Variants in LRRC37A2 observed in about 807,000 individuals in gnomAD.
LRRC37A2 encodes leucine rich repeat containing 37 member A2.
A neutral mutation model predicts 68.8 loss-of-function variants in LRRC37A2; 9 were observed. The ratio of observed to expected loss-of-function variants is 0.13; its 90% CI spans 0.08 to 0.23. LRRC37A2 has a LOEUF of 0.23. LRRC37A2 is among the 10% of genes least tolerant of loss of function. LRRC37A2 has a pLI of 1.00. For synonymous variants in LRRC37A2, 63 were observed against 367.6 expected (o/e 0.17, Z 9.48); for missense variants, 168 against 950.4 (o/e 0.18, Z 10.82).
chr17:46,843,586 A>G, the LRRC37A2 span, among the ~76,000 whole-genome samples: 1 of 152,146 alleles, frequency 6.6e-6, no homozygotes, highest in Non-Finnish European at 1.5e-5. Flanking sequence ...TTACTGCTGC[A>G]CAGTCGTTAA....
At chr17:46,772,965 G>C in the LRRC37A2 span, among the ~76,000 whole-genome samples, 2 of 152,106 alleles carry the variant, frequency 1.3e-5, no homozygotes, top group Non-Finnish European at 2.9e-5. Context: ...GTTCCACAAA[G>C]AGCTGCCCAT....
the LRRC37A2 span, among the ~76,000 whole-genome samples, chr17:46,569,193 C>T: frequency 6.6e-6 from 1 of 151,754 alleles, no homozygotes; most frequent in South Asian, 2.1e-4. Flanking sequence ...GGTGATCCAC[C>T]AGCCTTGGCT....
the LRRC37A2 span, among the ~76,000 whole-genome samples, chr17:46,967,573 A>G: frequency 6.6e-6 from 1 of 152,212 alleles, no homozygotes; most frequent in Non-Finnish European, 1.5e-5. Context: ...GAACAGAGGC[A>G]TGGAGTGTGA....
At chr17:46,938,932 A>T in the LRRC37A2 span, 1 of 1,505,322 alleles carries the variant, frequency 6.6e-7, no homozygotes, top group East Asian at 2.5e-5. Context: ...TTTCTGTGAC[A>T]TCTTGGAGGG....
At chr17:46,543,724 A>G (rs2096269899) in intron 8 of LRRC37A2, among the ~76,000 whole-genome samples, 1 of 150,990 alleles carries the variant, frequency 6.6e-6, no homozygotes, top group Admixed American at 6.6e-5. Context: ...ATTCCAGATG[A>G]AAGTTATACA....
the LRRC37A2 span, chr17:47,024,533 T>A: frequency 1.4e-6 from 1 of 706,608 alleles, no homozygotes; most frequent in East Asian, 2.5e-5. Context: ...AAGGAAAATG[T>A]AAGAAAAGGT....
chr17:46,718,681 AC>A, the LRRC37A2 span, among the ~76,000 whole-genome samples: 4 of 152,142 alleles, frequency 2.6e-5, no homozygotes, highest in African/African-American at 9.7e-5. Context: ...CGGCCGAATG[AC>A]CTTGGATATG....
chr17:46,826,697 T>G, the LRRC37A2 span, among the ~76,000 whole-genome samples: 1 of 152,042 alleles, frequency 6.6e-6, no homozygotes, highest in Non-Finnish European at 1.5e-5. Context: ...AGCAGAGTGA[T>G]AGCTGCTGTG....
At chr17:46,789,766 C>T in the LRRC37A2 span, among the ~76,000 whole-genome samples, 1 of 152,212 alleles carries the variant, frequency 6.6e-6, no homozygotes, top group African/African-American at 2.4e-5. Context: ...CAGCTTGGAC[C>T]TCCAGCTGGG....
the LRRC37A2 span, chr17:46,941,162 T>G: frequency 3.0e-6 from 3 of 1,006,832 alleles, no homozygotes; most frequent in Non-Finnish European, 3.6e-6. Context: ...GGACATTTAC[T>G]TCAGGGGGAC....
chr17:46,669,550 T>C, the LRRC37A2 span, among the ~76,000 whole-genome samples: 1 of 141,262 alleles, frequency 7.1e-6, no homozygotes, highest in East Asian at 1.9e-4. Context: ...CCTCCTCTGT[T>C]GCCAAAGTTT....
At chr17:46,996,309 G>C in the LRRC37A2 span, among the ~76,000 whole-genome samples, 1 of 152,222 alleles carries the variant, frequency 6.6e-6, no homozygotes, top group Non-Finnish European at 1.5e-5. Flanking sequence ...AGATCAGGTC[G>C]AATGGTGGGC....
chr17:47,011,604 G>A, the LRRC37A2 span, among the ~76,000 whole-genome samples: 1 of 150,762 alleles, frequency 6.6e-6, no homozygotes, highest in Admixed American at 6.6e-5. Context: ...TGAGGTCTTG[G>A]TATGTTTCCA....
the LRRC37A2 span, among the ~76,000 whole-genome samples, chr17:46,840,288 G>A: frequency 5.6e-4 from 85 of 152,084 alleles, no homozygotes; most frequent in Admixed American, 1.5e-3. Flanking sequence ...GGGTTTCACC[G>A]TGTTAGCCAG....
chr17:46,857,122 C>G, the LRRC37A2 span, among the ~76,000 whole-genome samples: 1 of 152,082 alleles, frequency 6.6e-6, no homozygotes, highest in Non-Finnish European at 1.5e-5. Flanking sequence ...GCTGAGTATT[C>G]CTTTGTATGG....
the LRRC37A2 span, among the ~76,000 whole-genome samples, chr17:46,784,763 C>T: frequency 7.0e-6 from 1 of 143,834 alleles, no homozygotes; most frequent in Non-Finnish European, 1.5e-5. Context: ...CTGCGCTTTC[C>T]CCTTTTTGCT....
At chr17:46,985,011 C>T in the LRRC37A2 span, among the ~76,000 whole-genome samples, 297 of 152,312 alleles carry the variant, frequency 1.9e-3, no homozygotes, top group Non-Finnish European at 3.3e-3. Context: ...TTGTTTGGCA[C>T]GCTTTTCCTG....
chr17:46,913,587 A>T, the LRRC37A2 span, among the ~76,000 whole-genome samples: 1 of 152,114 alleles, frequency 6.6e-6, no homozygotes, highest in Non-Finnish European at 1.5e-5. Flanking sequence ...AGACACAAAG[A>T]CCTTGTGAGG....
the LRRC37A2 span, among the ~76,000 whole-genome samples, chr17:46,860,858 C>CT: frequency 0.016 from 2,433 of 151,690 alleles, 73 homozygotes; most frequent in African/African-American, 0.057. Context: ...TAAAATTTCA[C>CT]TTTTTTTTTA....
Sources: allele counts gnomAD v4.1 joint callset (sites outside exome capture counted in the v4.1 genomes callset), GRCh38; gene constraint gnomAD v4.1.1; transcripts MANE v1.5; gene names NCBI Gene and HGNC (gene_info 2026-07-23, HGNC 2026-07-21).